CORO6: variants seen among roughly 807,000 people sequenced by gnomAD.
CORO6 encodes coronin-6.
CORO6 carries 43 observed loss-of-function variants against 49.0 expected under a neutral mutation model. The observed-to-expected ratio is 0.88, with a 90% CI of 0.69 to 1.13. The LOEUF is 1.13. Among genes scored for constraint, CORO6 ranks in the 50% most tolerant of loss-of-function variants. The pLI, the probability that CORO6 is intolerant of heterozygous loss-of-function variation, is 0.00. For synonymous variants in CORO6, 233 were observed against 256.5 expected, an observed-to-expected ratio of 0.91 and a Z score of 0.88; for missense variants, 650 against 647.0, an observed-to-expected ratio of 1.00 and a Z score of -0.05.
intron 1 of CORO6, chr17:29,622,327 C>T (rs552184277): frequency 6.5e-6 from 1 of 154,990 alleles, no homozygotes; most frequent in Admixed American, 6.5e-5. Flanking sequence ...GGTGCCTTTT[C>T]TCCAGCTAGG....
chr17:29,617,354 T>C, intron 6 of CORO6, 146 bp downstream of exon 6: 1 of 1,540,424 alleles, frequency 6.5e-7, no homozygotes. Context: ...GGCAGAGGGG[T>C]GGGTGTGAGA....
In CORO6 at chr17:29,621,822, C is replaced by T. The variant is rs556436328; in HGVS notation, c.-63-338G>A. On this transcript the variant is annotated intron_variant, in intron 1 of 10. Transcript: ENST00000388767. This position sits in a 1 kb window ranked among gnomAD's most constrained non-coding sequence, Gnocchi z 4.2. Reference sequence around the variant, plus strand: ...GCCAGCCTTGATGAGCATCTCTTCACGGACGTGGTTGTAGCTCCCAGAGGC... The same window carrying T: ...GCCAGCCTTGATGAGCATCTCTTCATGGACGTGGTTGTAGCTCCCAGAGGC... The T allele has an allele frequency of 2.7e-5, 7 of 255,934 alleles. No individual in the cohort carries two copies. Among genetic ancestry groups the T allele is most frequent in the South Asian group, 1.5e-4 (3 of 20,086 alleles). 15.9% of individuals were successfully genotyped at this position (255,934 alleles called of 1,614,324 possible). A position where few individuals can be genotyped will look rare whatever the true frequency, so the allele number is the denominator to read the frequency against.
At position 29,621,113 on chromosome 17, in the gene CORO6, A is replaced by T; in HGVS notation, c.198+111T>A. On this transcript the variant is annotated intron_variant, in intron 2 of 10. Transcript: ENST00000388767. The surrounding 1 kb of genome is among the most constrained non-coding windows in gnomAD (Gnocchi z 4.2). ...GGGGAATAGGGAGGAGCCAATCCAC[A>T]CAGATGCTTCTCCTGACTATGGAAT... The T allele has an allele frequency of 2.2e-6, 3 of 1,388,968 alleles. No homozygotes were observed. The highest frequency in any genetic ancestry group is 2.9e-6 in the Non-Finnish European group (3 of 1,017,972). 86.0% of individuals were successfully genotyped at this position (1,388,968 alleles called of 1,614,324 possible). A position where few individuals can be genotyped will look rare whatever the true frequency, so the allele number is the denominator to read the frequency against.
intron 5 of CORO6, chr17:29,618,318 G>A: frequency 1.5e-6 from 2 of 1,297,598 alleles, no homozygotes; most frequent in Non-Finnish European, 2.0e-6. Context: ...CCCTCCCAGG[G>A]CATCCGGCTG....
At chr17:29,620,446 G>A (rs2035252587) in intron 2 of CORO6, among the ~76,000 whole-genome samples, 1 of 152,188 alleles carries the variant, frequency 6.6e-6, no homozygotes, top group Non-Finnish European at 1.5e-5. Context: ...TTGAGCCCTG[G>A]GGCTGTGTCC....
chr17:29,622,657 C>A lies in CORO6; in HGVS notation c.-64+31G>T, dbSNP rs774635768. ...GGGACCCCGCCCGCTCCGCTGGCTGCGGTGACGGCCGGGTGTGGGGGGCTG... is the reference window on the plus strand; with the variant it reads ...GGGACCCCGCCCGCTCCGCTGGCTGAGGTGACGGCCGGGTGTGGGGGGCTG... On this transcript the variant is annotated intron_variant, in intron 1 of 10. Transcript: ENST00000388767. 4.4e-6 allele frequency: 5 copies of A among 1,139,912 alleles called. No homozygotes were observed. The African/African-American group carries it at 6.8e-5, about 15-fold the overall frequency. The allele number at this position is 1,139,912 out of a possible 1,614,324, so 70.6% of individuals were successfully genotyped here.
In CORO6 at chr17:29,621,616, G is replaced by C; in HGVS notation, c.-63-132C>G. 3.1e-6 allele frequency: 3 copies of C among 964,990 alleles called. No homozygotes were observed. The highest frequency in any genetic ancestry group is 4.5e-6 in the Non-Finnish European group (3 of 668,580). 59.8% of individuals were successfully genotyped at this position (964,990 alleles called of 1,614,324 possible). ...TTCAAGGTGGTCAAAGTATGGGAAA[G>C]TTATTTTGCTGTGTAAAATGCTGTT... On this transcript the variant is annotated intron_variant, in intron 1 of 10. Transcript: ENST00000388767. This position sits in a 1 kb window ranked among gnomAD's most constrained non-coding sequence, Gnocchi z 4.2.
In CORO6 at chr17:29,621,282, A is replaced by G. The variant is rs1450234982; in HGVS notation, c.140T>C (p.Leu47Pro). ...SSFCAVNPKF[L>P]AIIVEAGGGG... ...GCCTCCAGCCTCCACAATAATGGCC[A>G]GGAATTTGGGGTTGACGGCACAGAA... The change falls in exon 2 of 11, where the codon CTG (leucine) becomes CCG (proline). Residue 47 changes from leucine to proline, a missense_variant. By Grantham distance (98) the Leu-to-Pro change is moderately conservative. Coordinates refer to ENST00000388767, the MANE Select transcript of CORO6 (RefSeq NM_032854.4). This position sits in a 1 kb window ranked among gnomAD's most constrained non-coding sequence, Gnocchi z 4.2. 3 of 1,614,062 alleles carry G rather than the reference A, an allele frequency of 1.9e-6. No individual in the cohort carries two copies. Among genetic ancestry groups the G allele is most frequent in the Non-Finnish European group, 2.5e-6 (3 of 1,180,030 alleles).
rs781178718 is a variant in CORO6, at chr17:29,615,942, T to C, written c.1293+3A>G. ...GGCCAGAGTGCAGCAGGGCCGATCT[T>C]ACCGACAAGGGGGCGTCGCTGGCCG... On this transcript the variant is annotated splice_donor_region_variant and intron_variant, in intron 10 of 10. Transcript: ENST00000388767. 3.8e-6 allele frequency: 6 copies of C among 1,578,792 alleles called. No individual in the cohort carries two copies. The highest frequency in any genetic ancestry group is 5.2e-6 in the Non-Finnish European group (6 of 1,161,242).
chr17:29,620,281 GC>G (rs1328342659), intron 2 of CORO6, among the ~76,000 whole-genome samples: 2 of 152,224 alleles, frequency 1.3e-5, no homozygotes, highest in African/African-American at 4.8e-5. Flanking sequence ...GGAGCTGGGG[GC>G]CCATCTATTT....
At position 29,616,944 on chromosome 17, in the gene CORO6, A is replaced by G. The variant is rs559369269; in HGVS notation, c.852T>C (p.Cys284=). The part of the protein sequence containing the change: ...YDPDSSIVYL[C]GKGDSSIRYF... ...CCTGCCCGGCCGTGAGCACCTTGCC[A>G]CACAGGTAGACGATGCTGGAGTCGG... is the stretch of plus-strand genomic sequence containing the variant. The change falls in exon 7 of 11, where the codon TGT becomes TGC. Residue 284 remains cysteine (C), a synonymous_variant. Transcript: ENST00000388767. This position sits in a 1 kb window ranked among gnomAD's most constrained non-coding sequence, Gnocchi z 5.6. 3.1e-6 allele frequency: 5 copies of G among 1,613,748 alleles called. 1 individual carries two copies. The African/African-American group carries it at 5.3e-5, about 17-fold the overall frequency.
chr17:29,618,486 T>G, intron 5 of CORO6: 1 of 1,297,692 alleles, frequency 7.7e-7, no homozygotes. Flanking sequence ...TTCATGCAGG[T>G]TCTGGTGGGA....
At chr17:29,619,550 C>T in intron 3 of CORO6, 101 bp downstream of exon 3, 1 of 1,201,894 alleles carries the variant, frequency 8.3e-7, no homozygotes, top group Non-Finnish European at 1.2e-6. Flanking sequence ...TGGGACCCAG[C>T]ACCTCCCTTA....
In CORO6 at chr17:29,618,531, C is replaced by G. The variant is rs1339423424; in HGVS notation, c.633+259G>C. On this transcript the variant is annotated intron_variant, in intron 5 of 10. Coordinates refer to ENST00000388767, the MANE Select transcript of CORO6 (RefSeq NM_032854.4). ...TTCCAGCTTCTCCCCTCCTCAATCCCAAAGCGAGGAGCCCTTCTCTGAGCT... is the reference window on the plus strand; with the variant it reads ...TTCCAGCTTCTCCCCTCCTCAATCCGAAAGCGAGGAGCCCTTCTCTGAGCT... 7.4e-6 allele frequency: 10 copies of G among 1,349,114 alleles called. No homozygotes were observed. In the Admixed American group the frequency reaches 3.1e-4, roughly 41 times the overall value. 83.6% of individuals were successfully genotyped at this position (1,349,114 alleles called of 1,614,324 possible). A position where few individuals can be genotyped will look rare whatever the true frequency, so the allele number is the denominator to read the frequency against.
In CORO6 at chr17:29,619,729, A is replaced by G. The variant is rs773314445; in HGVS notation, c.243T>C (p.Thr81=). The G allele has an allele frequency of 6.2e-7, 1 of 1,612,574 alleles. No homozygotes were observed. Among genetic ancestry groups the G allele is most frequent in the Non-Finnish European group, 8.5e-7 (1 of 1,178,610 alleles). ...DKNYPLVTGH[T]APVLDIDWCP... The stretch of plus-strand genomic sequence containing the variant: ...ACCAGTCAATATCCAGCACAGGGGC[A>G]GTGTGCCCAGTGACCAGTGGGTAGT... The change falls in exon 3 of 11, where the codon ACT becomes ACC. Residue 81 remains threonine, a synonymous_variant. Coordinates refer to ENST00000388767, the MANE Select transcript of CORO6 (RefSeq NM_032854.4).
intron 2 of CORO6, among the ~76,000 whole-genome samples, chr17:29,620,429 C>T (rs1437455765): frequency 6.6e-6 from 1 of 152,178 alleles, no homozygotes; most frequent in African/African-American, 2.4e-5. Flanking sequence ...GCAGCTCCGG[C>T]TGAAATTTGA....
chr17:29,621,191 C>T lies in CORO6; in HGVS notation c.198+33G>A, dbSNP rs2035289259. 1.2e-6 allele frequency: 2 copies of T among 1,612,672 alleles called. No homozygotes were observed. Among genetic ancestry groups the T allele is most frequent in the Admixed American group, 3.3e-5 (2 of 59,972 alleles). On this transcript the variant is annotated intron_variant, in intron 2 of 10. Transcript: ENST00000388767. The surrounding 1 kb of genome is among the most constrained non-coding windows in gnomAD (Gnocchi z 4.2). Reference sequence around the variant, plus strand: ...AGTTCCCAGGGGCCCCAGCTAGTGTCCTCCCACTTGCTTCCTTTCCCTGAT... The same window carrying T: ...AGTTCCCAGGGGCCCCAGCTAGTGTTCTCCCACTTGCTTCCTTTCCCTGAT...
chr17:29,622,279 C>T (rs1197382200), intron 1 of CORO6: 1 of 154,254 alleles, frequency 6.5e-6, no homozygotes, highest in Non-Finnish European at 1.4e-5. Context: ...CCTGCCCCCG[C>T]CACGGCCAAG....
Position 29,615,681 on chromosome 17 carries a change from C to G in CORO6, c.*51G>C. 6.9e-7 allele frequency: 1 copy of G among 1,441,830 alleles called. No individual in the cohort carries two copies. Among genetic ancestry groups the G allele is most frequent in the East Asian group, 2.6e-5 (1 of 38,654 alleles). 89.3% of individuals were successfully genotyped at this position (1,441,830 alleles called of 1,614,324 possible). ...CGGAGTTCGGGACTAAAAGCCGGGG[C>G]GGGGCCGAGCTTGTGCGCCCCGCCC... On this transcript the variant is annotated 3_prime_UTR_variant, in exon 11 of 11. Transcript: ENST00000388767.
Sources: allele counts gnomAD v4.1 joint callset (sites outside exome capture counted in the v4.1 genomes callset), GRCh38; gene constraint gnomAD v4.1.1; non-coding constraint Gnocchi (gnomAD v3.1); transcripts MANE v1.5; gene names NCBI Gene and HGNC (gene_info 2026-07-23, HGNC 2026-07-21).